TJP1: variants seen among roughly 807,000 people sequenced by gnomAD.
The protein encoded by TJP1 is tight junction protein 1.
TJP1 carries 43 observed loss-of-function variants against 194.2 expected under a neutral mutation model. The observed-to-expected ratio is 0.22, with a 90% CI of 0.17 to 0.29. The LOEUF is 0.29. Among genes scored for constraint, TJP1 ranks in the 10% least tolerant of loss-of-function variants. The probability of loss-of-function intolerance (pLI) is 1.00; values close to 1 mark genes in which losing one functional copy is unlikely to be tolerated. For missense variants in TJP1, 1,971 were observed against 2,185.7 expected, an observed-to-expected ratio of 0.90 and a Z score of 1.96; for synonymous variants, 801 against 779.0, an observed-to-expected ratio of 1.03 and a Z score of -0.47.
At chr15:29,753,746 TA>T (rs2045453751) in intron 8 of TJP1, among the ~76,000 whole-genome samples, 1 of 150,622 alleles carries the variant, frequency 6.6e-6, no homozygotes, top group Non-Finnish European at 1.5e-5. Flanking sequence ...ACTCGCTGAT[TA>T]ACCATTGAAA....
intron 2 of TJP1, among the ~76,000 whole-genome samples, chr15:29,778,321 G>A (rs956917093): frequency 3.3e-5 from 5 of 151,704 alleles, no homozygotes; most frequent in African/African-American, 9.7e-5. Context: ...GAGAAGAGGA[G>A]TTGGTGGACT....
intron 8 of TJP1, among the ~76,000 whole-genome samples, chr15:29,756,881 G>C (rs1432358161): frequency 6.6e-6 from 1 of 152,108 alleles, no homozygotes; most frequent in Non-Finnish European, 1.5e-5. Flanking sequence ...TAACTATATA[G>C]AATGAGGAAA....
intron 2 of TJP1, among the ~76,000 whole-genome samples, chr15:29,935,925 T>C (rs1567211255): frequency 1.3e-5 from 2 of 152,126 alleles, no homozygotes; most frequent in African/African-American, 4.8e-5. Context: ...CTGGCCCTGG[T>C]ACAGTCCTCA....
intron 10 of TJP1, among the ~76,000 whole-genome samples, chr15:29,739,686 C>T (rs2044267984): frequency 6.6e-6 from 1 of 152,090 alleles, no homozygotes; most frequent in African/African-American, 2.4e-5. Context: ...ACCTGGTGAT[C>T]TGCCCACCTC....
chr15:29,874,750 T>C (rs2052640470), intron 2 of TJP1, among the ~76,000 whole-genome samples: 1 of 152,234 alleles, frequency 6.6e-6, no homozygotes, highest in African/African-American at 2.4e-5. Flanking sequence ...AAAAGTCTGA[T>C]TTCCTATTTA....
chr15:29,968,794 G>GCCGCCT (rs2056420853), exon 1 of TJP1: 1 of 1,194,982 alleles, frequency 8.4e-7, no homozygotes, highest in Non-Finnish European at 1.1e-6. Context: ...GCAGGGCCCC[G>GCCGCCT]CCGCCTCCGC....
intron 2 of TJP1, among the ~76,000 whole-genome samples, chr15:29,918,752 A>G (rs1346155503): frequency 6.6e-6 from 1 of 152,006 alleles, no homozygotes; most frequent in African/African-American, 2.4e-5. Context: ...AAAAAAAAGT[A>G]TAAATAAAAA....
intron 5 of TJP1, 30 bp from the exon 6 acceptor site, chr15:29,762,468 A>G (rs916440065): frequency 3.2e-6 from 5 of 1,551,520 alleles, no homozygotes; most frequent in African/African-American, 1.4e-5. Flanking sequence ...TGTTTTTAGT[A>G]TAACATCCTA....
At chr15:29,705,922 T>C (rs2041868547) in intron 25 of TJP1, among the ~76,000 whole-genome samples, 177 bp from the exon 26 acceptor site, 1 of 152,204 alleles carries the variant, frequency 6.6e-6, no homozygotes, top group Non-Finnish European at 1.5e-5. Flanking sequence ...GAGAATATTA[T>C]TTCTTTTTTG....
chr15:29,734,395 A>T lies in TJP1; in HGVS notation c.1408-13T>A. The T allele has an allele frequency of 6.4e-7, 1 of 1,568,538 alleles. No homozygotes were observed. Among genetic ancestry groups the T allele is most frequent in the Non-Finnish European group, 8.7e-7 (1 of 1,142,868 alleles). On this transcript the variant is annotated splice_polypyrimidine_tract_variant and intron_variant, in intron 11 of 27. Transcript: ENST00000614355. ...CTACGTTGTTTACCTAATAAATAAG[A>T]TTTCATAAATCATTCTTGGCTGTTT...
intron 2 of TJP1, among the ~76,000 whole-genome samples, chr15:29,874,384 A>C (rs906365430): frequency 2.6e-5 from 4 of 152,198 alleles, no homozygotes; most frequent in African/African-American, 9.7e-5. Context: ...TCCCCTCAGC[A>C]GTAAGGGCGG....
intron 1 of TJP1, among the ~76,000 whole-genome samples, chr15:29,964,446 C>G (rs1383511795): frequency 1.3e-5 from 2 of 151,888 alleles, no homozygotes; most frequent in East Asian, 1.9e-4. Context: ...CACAGAGACA[C>G]AGAGACACAG....
chr15:29,847,876 C>G (rs1202126719), intron 2 of TJP1, among the ~76,000 whole-genome samples: 2 of 151,974 alleles, frequency 1.3e-5, no homozygotes, highest in African/African-American at 2.4e-5. Context: ...TGGCTGCATC[C>G]CACATATTTT....
At chr15:29,808,205 T>A (rs2151930485) in intron 1 of TJP1, among the ~76,000 whole-genome samples, 1 of 152,260 alleles carries the variant, frequency 6.6e-6, no homozygotes, top group African/African-American at 2.4e-5. Context: ...GAGGTGGAGT[T>A]TGCAGTGAGC....
intron 1 of TJP1, among the ~76,000 whole-genome samples, chr15:29,967,801 CAATTG>C (rs2056383610): frequency 6.6e-6 from 1 of 152,150 alleles, no homozygotes; most frequent in African/African-American, 2.4e-5. Flanking sequence ...AGACTGTGCT[CAATTG>C]AATTGAATAA....
At chr15:29,968,874 TC>T in exon 1 of TJP1, 1 of 393,158 alleles carries the variant, frequency 2.5e-6, no homozygotes, top group Non-Finnish European at 3.4e-6. Flanking sequence ...CCACCACAGC[TC>T]CCACCGCTCC....
At chr15:29,865,924 T>C (rs934299073) in intron 2 of TJP1, among the ~76,000 whole-genome samples, 10 of 152,212 alleles carry the variant, frequency 6.6e-5, no homozygotes, top group South Asian at 4.1e-4. Context: ...CGCCAGGCAC[T>C]GTGCTAGGAG....
intron 2 of TJP1, among the ~76,000 whole-genome samples, chr15:29,879,403 C>T (rs943753219): frequency 5.9e-5 from 9 of 152,204 alleles, no homozygotes; most frequent in East Asian, 1.9e-4. Context: ...CAGCTGCCTC[C>T]GGCGCTTGCT....
At chr15:29,942,700 C>T (rs1053036451) in intron 2 of TJP1, among the ~76,000 whole-genome samples, 1 of 152,204 alleles carries the variant, frequency 6.6e-6, no homozygotes, top group African/African-American at 2.4e-5. Context: ...TGCGTACCTC[C>T]GCAGAGGGCT....
Sources: allele counts gnomAD v4.1 joint callset (sites outside exome capture counted in the v4.1 genomes callset), GRCh38; gene constraint gnomAD v4.1.1; transcripts MANE v1.5; gene names NCBI Gene and HGNC (gene_info 2026-07-23, HGNC 2026-07-21).